CNTN4: variants seen among roughly 807,000 people sequenced by gnomAD.
The protein encoded by CNTN4 is contactin 4, also known as contactin-4.
CNTN4 carries 77 observed loss-of-function variants against 122.5 expected under a neutral mutation model. The ratio of observed to expected loss-of-function variants is 0.63; its 90% CI spans 0.52 to 0.76. The LOEUF is 0.76. Ranked by LOEUF, CNTN4 falls within the 30% of genes least tolerant of loss-of-function variation. CNTN4 has a pLI of 0.00. For synonymous variants in CNTN4, 512 were observed against 447.0 expected (o/e 1.15, Z -1.83); for missense variants, 1,256 against 1,259.1 (o/e 1.00, Z 0.04).
chr3:2,117,532 G>C (rs1209481950), intron 2 of CNTN4, among the ~76,000 whole-genome samples: 1 of 150,842 alleles, frequency 6.6e-6, no homozygotes, highest in Admixed American at 6.6e-5. Flanking sequence ...CAGGAGGTTG[G>C]GGGAGGGGGC....
chr3:2,463,871 A>G (rs910110151), intron 3 of CNTN4, among the ~76,000 whole-genome samples: 1 of 152,314 alleles, frequency 6.6e-6, no homozygotes, highest in African/African-American at 2.4e-5. Flanking sequence ...TATGTCATGC[A>G]TCTTACTAGA....
intron 19 of CNTN4, chr3:3,039,812 G>C (rs1699973962): frequency 5.6e-6 from 3 of 536,094 alleles, no homozygotes; most frequent in Non-Finnish European, 1.0e-5. Context: ...CAAAGAGCAA[G>C]CTCTGGACTG....
At chr3:2,837,933 T>G (rs1180282969) in intron 7 of CNTN4, among the ~76,000 whole-genome samples, 1 of 152,218 alleles carries the variant, frequency 6.6e-6, no homozygotes, top group Non-Finnish European at 1.5e-5. Context: ...GCAGCAATCT[T>G]TAACAGCAAA....
At chr3:2,921,361 A>T (rs1003024529) in intron 12 of CNTN4, among the ~76,000 whole-genome samples, 1 of 152,232 alleles carries the variant, frequency 6.6e-6, no homozygotes, top group Admixed American at 6.5e-5. Context: ...TTTTTGAATC[A>T]GCCATTCTAA....
At chr3:2,404,410 G>C (rs2046959938) in intron 3 of CNTN4, among the ~76,000 whole-genome samples, 1 of 152,070 alleles carries the variant, frequency 6.6e-6, no homozygotes, top group South Asian at 2.1e-4. Flanking sequence ...TTTTTGGCTG[G>C]AGGTCATTCT....
rs187526735 is a variant in CNTN4 at position 2,387,823 on chromosome 3, A to G, written c.-89+48590A>G. ...ATGTTCCACCCATTATACGTGAACTATGTGTATCATTAGAAGACAGAAAAC... is the reference window on the plus strand; with the variant it reads ...ATGTTCCACCCATTATACGTGAACTGTGTGTATCATTAGAAGACAGAAAAC... On this transcript the variant is annotated intron_variant, in intron 3 of 24. Transcript: ENST00000418658. 2.0e-5 allele frequency among the ~76,000 whole-genome samples: 3 copies of G among 152,322 alleles called. No homozygotes were observed. The East Asian group carries it at 5.8e-4, about 29-fold the overall frequency.
At chr3:2,653,098 A>G (rs1270708162) in intron 4 of CNTN4, among the ~76,000 whole-genome samples, 3 of 152,104 alleles carry the variant, frequency 2.0e-5, no homozygotes, top group Non-Finnish European at 4.4e-5. Context: ...TGTGGCTTAT[A>G]AATCAGTTCT....
intron 2 of CNTN4, among the ~76,000 whole-genome samples, chr3:2,277,394 A>G (rs897773491): frequency 6.6e-6 from 1 of 151,938 alleles, no homozygotes; most frequent in Admixed American, 6.6e-5. Context: ...TTAGTTTTAA[A>G]TATATATATA....
intron 4 of CNTN4, among the ~76,000 whole-genome samples, chr3:2,604,749 A>G (rs1328296955): frequency 6.6e-6 from 1 of 152,200 alleles, no homozygotes; most frequent in African/African-American, 2.4e-5. Flanking sequence ...TCTAGAGATA[A>G]GAATACACCC....
At chr3:2,341,646 A>G (rs922376935) in intron 3 of CNTN4, among the ~76,000 whole-genome samples, 1 of 152,214 alleles carries the variant, frequency 6.6e-6, no homozygotes, top group African/African-American at 2.4e-5. Flanking sequence ...TTCTTCCTCT[A>G]CCACAGATTG....
At chr3:2,897,904 G>A (rs542101967) in intron 10 of CNTN4, among the ~76,000 whole-genome samples, 2 of 152,212 alleles carry the variant, frequency 1.3e-5, no homozygotes, top group South Asian at 2.1e-4. Context: ...GATATTAGGC[G>A]ATAAATACCC....
At chr3:2,850,053 A>C (rs2093522723) in intron 7 of CNTN4, among the ~76,000 whole-genome samples, 1 of 148,586 alleles carries the variant, frequency 6.7e-6, no homozygotes, top group Non-Finnish European at 1.5e-5. Flanking sequence ...GCAGTGGTGC[A>C]ATCTCAGCTC....
chr3:2,119,935 G>T (rs2033609657), intron 2 of CNTN4, among the ~76,000 whole-genome samples: 1 of 152,130 alleles, frequency 6.6e-6, no homozygotes, highest in African/African-American at 2.4e-5. Flanking sequence ...AGTGCATAAT[G>T]TGGGCAGGAT....
chr3:2,592,792 G>A (rs1018962206), intron 4 of CNTN4, among the ~76,000 whole-genome samples: 2 of 152,172 alleles, frequency 1.3e-5, no homozygotes, highest in East Asian at 3.8e-4. Context: ...TCTCTGGAGT[G>A]TTCTATTCAT....
intron 2 of CNTN4, among the ~76,000 whole-genome samples, chr3:2,270,095 GC>G (rs377690309): frequency 0.11 from 9,850 of 91,158 alleles, 3,035 homozygotes; most frequent in Middle Eastern, 0.21. Context: ...GACTACAGGC[GC>G]CCGCCACCGC....
chr3:2,290,939 GAC>G (rs1350233233), intron 2 of CNTN4, among the ~76,000 whole-genome samples: 4 of 152,150 alleles, frequency 2.6e-5, no homozygotes, highest in Non-Finnish European at 5.9e-5. Flanking sequence ...TTTTTAAAAT[GAC>G]ATGTGAAAGC....
intron 3 of CNTN4, among the ~76,000 whole-genome samples, chr3:2,463,589 A>G (rs777079849): frequency 2.6e-5 from 4 of 152,136 alleles, no homozygotes; most frequent in South Asian, 2.1e-4. Context: ...GTGAAACCCC[A>G]TCTCTACTAA....
chr3:2,696,419 A>G (rs2086038010), intron 4 of CNTN4, among the ~76,000 whole-genome samples: 1 of 152,196 alleles, frequency 6.6e-6, no homozygotes, highest in Non-Finnish European at 1.5e-5. Context: ...TGCACTTATA[A>G]AAGAGGCTTC....
chr3:2,290,037 C>G (rs1398323299), intron 2 of CNTN4, among the ~76,000 whole-genome samples: 2 of 152,038 alleles, frequency 1.3e-5, no homozygotes, highest in Non-Finnish European at 2.9e-5. Flanking sequence ...CAGTCATTTT[C>G]TTAGATTTTG....
Sources: gnomAD v4.1 joint callset for allele counts (sites outside exome capture counted in the v4.1 genomes callset) on GRCh38, gnomAD v4.1.1 for gene constraint, MANE v1.5 for transcripts, NCBI Gene and HGNC (gene_info 2026-07-23, HGNC 2026-07-21) for gene names.